SYCP1: variants seen among roughly 807,000 people sequenced by gnomAD.
The protein encoded by SYCP1 is synaptonemal complex protein 1.
A neutral mutation model predicts 153.1 loss-of-function variants in SYCP1; 64 were observed. That is an observed-to-expected ratio of 0.42 (90% CI 0.34 to 0.51). The LOEUF is 0.51. Ranked by LOEUF, SYCP1 falls within the 20% of genes least tolerant of loss-of-function variation. SYCP1 has a pLI of 0.06. For synonymous variants in SYCP1, 384 were observed against 341.8 expected, an observed-to-expected ratio of 1.12 and a Z score of -1.36; for missense variants, 997 against 1,049.0, an observed-to-expected ratio of 0.95 and a Z score of 0.68.
At chr1:114,924,258 G>A (rs997278540) in intron 21 of SYCP1, among the ~76,000 whole-genome samples, 1 of 152,138 alleles carries the variant, frequency 6.6e-6, no homozygotes, top group Non-Finnish European at 1.5e-5. Context: ...AAAAAATCTT[G>A]GAGAGGACTC....
intron 16 of SYCP1, among the ~76,000 whole-genome samples, chr1:114,905,384 G>A (rs919001182): frequency 8.5e-5 from 13 of 152,134 alleles, no homozygotes; most frequent in Non-Finnish European, 1.2e-4. Flanking sequence ...TCCCTGCATC[G>A]TTAACCCCCA....
intron 15 of SYCP1, among the ~76,000 whole-genome samples, chr1:114,895,007 G>A (rs113223353): frequency 6.7e-5 from 10 of 150,166 alleles, no homozygotes; most frequent in East Asian, 2.0e-4. Context: ...TATTGGTAGC[G>A]TAAGGGCAGA....
intron 27 of SYCP1, among the ~76,000 whole-genome samples, chr1:114,965,866 G>T (rs1672093348): frequency 6.6e-6 from 1 of 152,176 alleles, no homozygotes; most frequent in Admixed American, 6.5e-5. Context: ...CTCATAAACT[G>T]AGTTAGGCAG....
intron 12 of SYCP1, among the ~76,000 whole-genome samples, chr1:114,881,093 AC>A (rs1184161295): frequency 6.7e-6 from 1 of 150,368 alleles, no homozygotes; most frequent in Non-Finnish European, 1.5e-5. Flanking sequence ...ACACACACAC[AC>A]ATTTCTTTAT....
In SYCP1 at chr1:114,944,996, T is replaced by G; in HGVS notation, c.2154+14T>G. ...GAAAAACATAAGGTAATTTTTTTCT[T>G]CTTATATAATGAAAATTATTAATTG... On this transcript the variant is annotated intron_variant, in intron 25 of 31. Coordinates refer to ENST00000369522, the MANE Select transcript of SYCP1 (RefSeq NM_003176.4). The G allele has an allele frequency of 6.6e-7, 1 of 1,512,772 alleles. No individual in the cohort carries two copies. The highest frequency in any genetic ancestry group is 1.4e-5 in the African/African-American group (1 of 70,468). The allele number at this position is 1,512,772 out of a possible 1,614,324, so 93.7% of individuals were successfully genotyped here. A position where few individuals can be genotyped will look rare whatever the true frequency, so the allele number is the denominator to read the frequency against.
intron 20 of SYCP1, among the ~76,000 whole-genome samples, chr1:114,920,158 A>G (rs528708381): frequency 1.3e-5 from 2 of 151,990 alleles, no homozygotes; most frequent in Non-Finnish European, 2.9e-5. Flanking sequence ...GCTGTATCCC[A>G]TAGGTTTTGG....
intron 27 of SYCP1, among the ~76,000 whole-genome samples, chr1:114,952,765 T>C (rs1671192630): frequency 6.6e-6 from 1 of 152,166 alleles, no homozygotes; most frequent in Non-Finnish European, 1.5e-5. Flanking sequence ...TTTGTATCTG[T>C]GTTTTTATTT....
chr1:114,974,641 A>G (rs1471576393), intron 27 of SYCP1, among the ~76,000 whole-genome samples: 1 of 151,818 alleles, frequency 6.6e-6, no homozygotes, highest in Non-Finnish European at 1.5e-5. Context: ...CTCGAGGTTT[A>G]TCTATGTTGT....
At chr1:114,898,301 AAC>A (rs1667192897) in intron 16 of SYCP1, among the ~76,000 whole-genome samples, 1 of 152,190 alleles carries the variant, frequency 6.6e-6, no homozygotes, top group Non-Finnish European at 1.5e-5. Context: ...ATGCCCAGAT[AAC>A]TGGTGGCTAT....
chr1:114,898,368 G>T (rs1290749909), intron 16 of SYCP1, among the ~76,000 whole-genome samples: 1 of 152,030 alleles, frequency 6.6e-6, no homozygotes, highest in Non-Finnish European at 1.5e-5. Flanking sequence ...TAGCTCCCTT[G>T]GTCTTACTTT....
chr1:114,965,066 A>C (rs1265415518), intron 27 of SYCP1, among the ~76,000 whole-genome samples: 1 of 152,124 alleles, frequency 6.6e-6, no homozygotes, highest in Non-Finnish European at 1.5e-5. Flanking sequence ...TTCTCCTTGA[A>C]GAGGTCCTTC....
intron 29 of SYCP1, among the ~76,000 whole-genome samples, chr1:114,983,367 A>T (rs1673289010): frequency 6.6e-6 from 1 of 151,932 alleles, no homozygotes; most frequent in Non-Finnish European, 1.5e-5. Flanking sequence ...GTTGCTGCAA[A>T]GTTAAAACGT....
At chr1:114,950,881 G>T (rs143851535) in intron 27 of SYCP1, among the ~76,000 whole-genome samples, 4,458 of 149,824 alleles carry the variant, frequency 0.03, 112 homozygotes, top group Non-Finnish European at 0.04. Context: ...CTGGAGTGCA[G>T]TGGTGCAATC....
chr1:114,900,153 C>T (rs947357899), intron 16 of SYCP1, among the ~76,000 whole-genome samples: 3 of 152,230 alleles, frequency 2.0e-5, no homozygotes, highest in African/African-American at 4.8e-5. Context: ...AATATATGCA[C>T]ACACAGAGTT....
chr1:114,977,260 G>C (rs1394393733), intron 27 of SYCP1, among the ~76,000 whole-genome samples: 1 of 151,520 alleles, frequency 6.6e-6, no homozygotes, highest in Non-Finnish European at 1.5e-5. Flanking sequence ...TCTGTAATTT[G>C]TTCCATTAGC....
chr1:114,983,680 C>T (rs1673315683), intron 29 of SYCP1, among the ~76,000 whole-genome samples: 1 of 151,842 alleles, frequency 6.6e-6, no homozygotes, highest in Non-Finnish European at 1.5e-5. Context: ...AGTTAAGACA[C>T]CACGAAGTTT....
chr1:114,889,176 G>A (rs1264354033), intron 15 of SYCP1, among the ~76,000 whole-genome samples: 2 of 152,176 alleles, frequency 1.3e-5, no homozygotes, highest in Non-Finnish European at 2.9e-5. Context: ...ATGTGTGCAT[G>A]TGTCTTTATA....
intron 11 of SYCP1, 165 bp downstream of exon 11, chr1:114,876,975 C>A (rs1350826329): frequency 3.3e-6 from 1 of 306,524 alleles, no homozygotes; most frequent in Non-Finnish European, 6.0e-6. Flanking sequence ...ACTTAATTTT[C>A]ATTGACTCAA....
At chr1:114,904,862 G>A (rs1667714270) in intron 16 of SYCP1, among the ~76,000 whole-genome samples, 1 of 152,142 alleles carries the variant, frequency 6.6e-6, no homozygotes, top group Non-Finnish European at 1.5e-5. Context: ...AAGTTCTCTT[G>A]TATTTCTAGT....
Sources: gnomAD v4.1 joint callset for allele counts (sites outside exome capture counted in the v4.1 genomes callset) on GRCh38, gnomAD v4.1.1 for gene constraint, MANE v1.5 for transcripts, NCBI Gene and HGNC (gene_info 2026-07-23, HGNC 2026-07-21) for gene names.